BRI3: variants seen among roughly 807,000 people sequenced by gnomAD.
BRI3 encodes membrane protein BRI3.
BRI3 carries 6 observed loss-of-function variants against 12.8 expected under a neutral mutation model. The observed-to-expected ratio is 0.47, with a 90% confidence interval of 0.26 to 0.93. The LOEUF is 0.93. Among genes scored for constraint, BRI3 ranks in the 40% least tolerant of loss-of-function variants. The pLI is 0.15. For synonymous variants in BRI3, 91 were observed against 76.1 expected (o/e 1.20, Z -1.02); for missense variants, 134 against 171.1 (o/e 0.78, Z 1.21).
upstream of BRI3, among the ~76,000 whole-genome samples, chr7:98,301,975 G>A (rs558673151): frequency 6.6e-6 from 1 of 152,278 alleles, no homozygotes; most frequent in East Asian, 1.9e-4. Context: ...GGGGACAGTG[G>A]TGTGCTTAAA....
chr7:98,306,545 A>G (rs767352714), exon 1 of BRI3: 1 of 1,614,122 alleles, frequency 6.2e-7, no homozygotes, highest in Non-Finnish European at 8.5e-7. Context: ...AAAAGACCCT[A>G]TCAGCAGTAG....
At chr7:98,293,678 G>T, downstream of BRI3, 1 of 1,390,072 alleles carries the variant, frequency 7.2e-7, no homozygotes, top group South Asian at 1.2e-5. Context: ...ACCCGTTCTT[G>T]CCCTGTGAGA....
chr7:98,307,274 T>G (rs764330744), intron 1 of BRI3: 9 of 487,824 alleles, frequency 1.8e-5, no homozygotes, highest in Non-Finnish European at 2.2e-5. Flanking sequence ...CCTGGCTAAT[T>G]TTTGTATTTT....
At chr7:98,313,982 C>CTTTTTTTTTTTT (rs35599338), downstream of BRI3, among the ~76,000 whole-genome samples, 1 of 100,940 alleles carries the variant, frequency 9.9e-6, no homozygotes, top group Non-Finnish European at 1.9e-5. Flanking sequence ...CTTTTTCTTC[C>CTTTTTTTTTTTT]TTTTTTTTTT....
upstream of BRI3, chr7:98,304,150 G>A: frequency 2.7e-6 from 4 of 1,500,128 alleles, no homozygotes; most frequent in Middle Eastern, 2.0e-4. Flanking sequence ...CCCAGTCGGG[G>A]ATGGCGAGTC....
the BRI3 span, among the ~76,000 whole-genome samples, chr7:98,321,318 T>G: frequency 5.9e-5 from 9 of 152,234 alleles, no homozygotes; most frequent in Non-Finnish European, 1.3e-4. Flanking sequence ...AGTAATCTGA[T>G]TATCTGTCAG....
exon 2 of BRI3, chr7:98,307,530 C>T: frequency 1.4e-6 from 2 of 1,454,468 alleles, no homozygotes; most frequent in South Asian, 2.9e-5. Flanking sequence ...CAGAAAATAG[C>T]CTGGGATCGA....
At chr7:98,307,610 G>C in exon 2 of BRI3, 1 of 1,579,184 alleles carries the variant, frequency 6.3e-7, no homozygotes, top group African/African-American at 1.3e-5. Context: ...GCATGTCCAC[G>C]AAGACAGTTT....
At chr7:98,289,388 G>A (rs1799821843) in intron 2 of BRI3, among the ~76,000 whole-genome samples, 1 of 152,216 alleles carries the variant, frequency 6.6e-6, no homozygotes, top group Non-Finnish European at 1.5e-5. Flanking sequence ...CCCAGCAGGG[G>A]TGGGGGCAGT....
Position 98,281,781 on chromosome 7 carries a change from CG to C in BRI3, c.-14del, listed in dbSNP as rs1799523462. The C allele has an allele frequency of 9.0e-7, 1 of 1,113,476 alleles. No individual in the cohort carries two copies. The highest frequency in any genetic ancestry group is 5.1e-5 in the Admixed American group (1 of 19,566). 69.0% of individuals were successfully genotyped at this position (1,113,476 alleles called of 1,614,324 possible). On this transcript the variant is annotated 5_prime_UTR_variant, in exon 1 of 3. Transcript: ENST00000297290. ...AGCCGAGCCGGGCCGGAGCGGCGGG[CG>C]CGGCCGGGCCGCCATGGACCACAAG...
At chr7:98,294,076 GAGAAA>G, downstream of BRI3, 1 of 1,614,098 alleles carries the variant, frequency 6.2e-7, no homozygotes, top group Non-Finnish European at 8.5e-7. Flanking sequence ...ACGCCTACCT[GAGAAA>G]AGGCGGCTTT....
chr7:98,284,404 G>A (rs1196335924), intron 2 of BRI3, among the ~76,000 whole-genome samples: 1 of 152,200 alleles, frequency 6.6e-6, no homozygotes, highest in South Asian at 2.1e-4. Flanking sequence ...CCCTGTGGCA[G>A]CCAGAGGGCG....
At chr7:98,290,399 G>T (rs1408078379) in intron 2 of BRI3, among the ~76,000 whole-genome samples, 1 of 151,620 alleles carries the variant, frequency 6.6e-6, no homozygotes, top group African/African-American at 2.4e-5. Context: ...GTTTCACCTT[G>T]TTAGCCAGGA....
intron 2 of BRI3, among the ~76,000 whole-genome samples, chr7:98,290,026 G>A (rs7790229): frequency 0.4 from 60,886 of 151,968 alleles, 13,300 homozygotes; most frequent in Middle Eastern, 0.52. Flanking sequence ...GAACATGGCC[G>A]ACTGTAGTCT....
downstream of BRI3, among the ~76,000 whole-genome samples, chr7:98,297,282 G>A (rs1170514369): frequency 6.6e-5 from 10 of 152,356 alleles, no homozygotes; most frequent in Admixed American, 3.9e-4. Flanking sequence ...CCCCCTTCCC[G>A]ACTGTACGGA....
rs886586055 is a variant in BRI3 at position 98,300,576 on chromosome 7, T to C, written c.72-5907T>C. On this transcript the variant is annotated intron_variant and NMD_transcript_variant, in intron 1 of 2. Transcript: ENST00000491463. ...TCAGAACTGGGTTTCTAACCTGCCGTGGGCCTTGGACAGCGGCTGCCATTC... is the reference window on the plus strand; with the variant it reads ...TCAGAACTGGGTTTCTAACCTGCCGCGGGCCTTGGACAGCGGCTGCCATTC... Among the ~76,000 whole-genome samples the C allele has an allele frequency of 9.2e-5, 14 of 152,304 alleles. No individual in the cohort carries two copies. The East Asian group carries it at 2.7e-3, about 29-fold the overall frequency.
downstream of BRI3, among the ~76,000 whole-genome samples, chr7:98,295,072 T>C (rs1429407194): frequency 6.6e-6 from 1 of 152,062 alleles, no homozygotes; most frequent in African/African-American, 2.4e-5. Context: ...CCAGGAAGCG[T>C]CCCAGCACCC....
At chr7:98,297,336 G>C (rs1800234822), downstream of BRI3, among the ~76,000 whole-genome samples, 1 of 152,212 alleles carries the variant, frequency 6.6e-6, no homozygotes, top group African/African-American at 2.4e-5. Context: ...CAGGTTGGGG[G>C]ACTAGTTGAC....
chr7:98,297,792 C>T (rs1011882434), downstream of BRI3, among the ~76,000 whole-genome samples: 2 of 152,200 alleles, frequency 1.3e-5, no homozygotes, highest in African/African-American at 4.8e-5. Context: ...GGGGCACTGG[C>T]GGCTCTCAGG....
Sources: allele counts gnomAD v4.1 joint callset (sites outside exome capture counted in the v4.1 genomes callset), GRCh38; gene constraint gnomAD v4.1.1; transcripts MANE v1.5; gene names NCBI Gene and HGNC (gene_info 2026-07-23, HGNC 2026-07-21).